Variants in SIPA1L2 observed in about 807,000 individuals in gnomAD.
SIPA1L2 encodes the protein signal induced proliferation associated 1 like 2.
In SIPA1L2, 56 loss-of-function variants were observed where a neutral mutation model predicts 163.9. The ratio of observed to expected loss-of-function variants is 0.34; its 90% CI spans 0.28 to 0.43. The LOEUF (loss-of-function observed/expected upper bound fraction) is 0.43. SIPA1L2 is among the 20% of genes least tolerant of loss of function. The probability of loss-of-function intolerance (pLI) is 1.00; values close to 1 mark genes in which losing one functional copy is unlikely to be tolerated. For missense variants in SIPA1L2, 1,974 were observed against 2,193.5 expected, an observed-to-expected ratio of 0.90 and a Z score of 2.00; for synonymous variants, 877 against 865.7, an observed-to-expected ratio of 1.01 and a Z score of -0.23.
chr1:232,603,125 C>T (rs750524027), intron 1 of SIPA1L2, among the ~76,000 whole-genome samples: 6 of 152,152 alleles, frequency 3.9e-5, no homozygotes, highest in Non-Finnish European at 7.3e-5. Flanking sequence ...CAACAAGCTT[C>T]GTCTAACTGG....
intron 12 of SIPA1L2, among the ~76,000 whole-genome samples, chr1:232,442,609 T>C (rs78358049): frequency 0.019 from 2,903 of 151,876 alleles, 40 homozygotes; most frequent in South Asian, 0.042. Flanking sequence ...AAGTAGACTT[T>C]GTTTTATGAA....
At chr1:232,494,250 T>C (rs760511560) in intron 3 of SIPA1L2, among the ~76,000 whole-genome samples, 5 of 152,254 alleles carry the variant, frequency 3.3e-5, no homozygotes, top group African/African-American at 4.8e-5. Flanking sequence ...TCAGTTAGTT[T>C]CTAAAGTCAA....
At chr1:232,501,215 A>G (rs2182429) in intron 3 of SIPA1L2, among the ~76,000 whole-genome samples, 139,787 of 151,838 alleles carry the variant, frequency 0.92, 64,522 homozygotes, top group African/African-American at 0.98. Flanking sequence ...CCACCACCAC[A>G]CCCGGCTAAT....
intron 5 of SIPA1L2, among the ~76,000 whole-genome samples, chr1:232,488,373 C>A (rs1665755569): frequency 6.6e-6 from 1 of 152,142 alleles, no homozygotes. Flanking sequence ...AGAAACAGCA[C>A]CGCTTGGAAT....
chr1:232,514,494 C>T lies in SIPA1L2; in HGVS notation c.846G>A (p.Leu282=), dbSNP rs1318207028. Residue 282 remains leucine, a synonymous_variant, in exon 3 of 23, where the codon TTG becomes TTA. Coordinates refer to ENST00000674635, the MANE Select transcript of SIPA1L2 (RefSeq NM_020808.5). ...GAGATGTTTCCACCGACTCTGATTT[C>T]AACCTCCGTTTGAAAGGCTTGTCCC... The part of the protein sequence containing the change: ...RDRDKPFKRR[L]KSESVETSLF... 6.2e-7 allele frequency: 1 copy of T among 1,614,230 alleles called. No homozygotes were observed. The highest frequency in any genetic ancestry group is 1.7e-5 in the Admixed American group (1 of 60,030).
rs201836404 is a variant in SIPA1L2, at chr1:232,461,069, G to A, written c.2913C>T (p.Val971=). 181 of 1,614,152 alleles carry A rather than the reference G, an allele frequency of 1.1e-4. No homozygotes were observed. Among genetic ancestry groups the A allele is most frequent in the Non-Finnish European group, 1.5e-4 (177 of 1,180,064 alleles). Residue 971 remains valine, a synonymous_variant, in exon 10 of 23, where the codon GTC becomes GTT. Coordinates refer to ENST00000674635, the MANE Select transcript of SIPA1L2 (RefSeq NM_020808.5). ...CAAAGCCAAAAGGTTCCACATCTGC[G>A]ACAATTCCTTCAAAATTCACATGGA... ...LGFHVNFEGI[V]ADVEPFGFAW... is the part of the protein sequence containing the mutation.
At chr1:232,561,717 T>C (rs1659046983) in intron 2 of SIPA1L2, among the ~76,000 whole-genome samples, 1 of 152,228 alleles carries the variant, frequency 6.6e-6, no homozygotes, top group Admixed American at 6.5e-5. Flanking sequence ...AGAGTGACTC[T>C]GGATAAGTTA....
chr1:232,406,140 G>A (rs1660621376), intron 19 of SIPA1L2, among the ~76,000 whole-genome samples: 1 of 152,210 alleles, frequency 6.6e-6, no homozygotes. Flanking sequence ...ACAGTTTCCA[G>A]TGGAAGCTTC....
chr1:232,443,640 G>A lies in SIPA1L2; in HGVS notation c.3399C>T (p.Gly1133=), dbSNP rs527314807. The A allele has an allele frequency of 1.0e-4, 162 of 1,609,050 alleles. No individual in the cohort carries two copies. The South Asian group carries it at 1.2e-3, about 12-fold the overall frequency. The part of the protein sequence containing the change: ...NQSSSSDPGP[G]GSGPWRPQVG... ...CTTGTGGTCTCCAGGGTCCGCTCCC[G>A]CCGGGTCCAGGGTCGCTGGAGGATG... The change falls in exon 12 of 23, where the codon GGC becomes GGT. Residue 1133 remains glycine (G), a synonymous_variant. Coordinates refer to ENST00000674635, the MANE Select transcript of SIPA1L2 (RefSeq NM_020808.5).
At chr1:232,450,001 G>C (rs1663475286) in intron 10 of SIPA1L2, among the ~76,000 whole-genome samples, 1 of 152,150 alleles carries the variant, frequency 6.6e-6, no homozygotes, top group African/African-American at 2.4e-5. Flanking sequence ...CTAACTTTTG[G>C]CTTGGGAAAC....
intron 2 of SIPA1L2, among the ~76,000 whole-genome samples, chr1:232,531,133 TTA>T (rs1029490286): frequency 1.3e-5 from 2 of 152,210 alleles, no homozygotes; most frequent in African/African-American, 4.8e-5. Context: ...TTTGATAAAC[TTA>T]TATGATAAGA....
intron 17 of SIPA1L2, among the ~76,000 whole-genome samples, chr1:232,426,645 G>A (rs1440027886): frequency 1.3e-5 from 2 of 152,062 alleles, no homozygotes; most frequent in Non-Finnish European, 2.9e-5. Context: ...GGGCAACAGA[G>A]CAAGACTCCG....
chr1:232,516,317 A>G lies in SIPA1L2; in HGVS notation c.-269-709T>C, dbSNP rs146156204. 2.0e-4 allele frequency among the ~76,000 whole-genome samples: 30 copies of G among 152,350 alleles called. No homozygotes were observed. In the East Asian group the frequency reaches 5.8e-3, roughly 29 times the overall value. On this transcript the variant is annotated intron_variant, in intron 2 of 22. Coordinates refer to ENST00000674635, the MANE Select transcript of SIPA1L2 (RefSeq NM_020808.5). ...TGCAGTAGTGAGATACTGGGTAAGA[A>G]GCTGTTTTCTTGTACCTCAGTTGTC...
At chr1:232,537,192 G>T (rs967754649) in intron 2 of SIPA1L2, among the ~76,000 whole-genome samples, 11 of 152,212 alleles carry the variant, frequency 7.2e-5, no homozygotes, top group African/African-American at 2.4e-4. Context: ...AACTGTGATT[G>T]TGCCACTGCA....
At chr1:232,628,093 C>T (rs1663176083) in intron 1 of SIPA1L2, among the ~76,000 whole-genome samples, 1 of 152,214 alleles carries the variant, frequency 6.6e-6, no homozygotes, top group Non-Finnish European at 1.5e-5. Flanking sequence ...TTTGGACAGG[C>T]TGCCGTGATC....
chr1:232,541,922 G>A (rs1657705523), intron 2 of SIPA1L2, among the ~76,000 whole-genome samples: 1 of 128,350 alleles, frequency 7.8e-6, no homozygotes, highest in East Asian at 2.2e-4. Flanking sequence ...TTAAATCTTG[G>A]GCTGAGCCTT....
At chr1:232,541,070 G>A (rs1657628290) in intron 2 of SIPA1L2, among the ~76,000 whole-genome samples, 1 of 152,050 alleles carries the variant, frequency 6.6e-6, no homozygotes, top group African/African-American at 2.4e-5. Context: ...ACAGGGAGAG[G>A]AACAACACAC....
At chr1:232,573,705 C>A (rs916259045) in intron 2 of SIPA1L2, among the ~76,000 whole-genome samples, 2 of 152,112 alleles carry the variant, frequency 1.3e-5, no homozygotes, top group African/African-American at 4.8e-5. Flanking sequence ...GCAGAGCAGG[C>A]TGGACTTGCC....
rs962616451 is a variant in SIPA1L2, at chr1:232,552,084, C to T, written c.-270+22090G>A. On this transcript the variant is annotated intron_variant, in intron 2 of 22. Transcript: ENST00000674635. Reference sequence around the variant, plus strand: ...CGAATTCCTGACCTCAGGCGATCCACCCACCTCGGCCTCCCAAAGTGCTGG... The same window carrying T: ...CGAATTCCTGACCTCAGGCGATCCATCCACCTCGGCCTCCCAAAGTGCTGG... Among the ~76,000 whole-genome samples the T allele has an allele frequency of 2.6e-5, 4 of 152,294 alleles. No homozygotes were observed. The East Asian group carries it at 5.8e-4, about 22-fold the overall frequency.
Sources: allele counts gnomAD v4.1 joint callset (sites outside exome capture counted in the v4.1 genomes callset), GRCh38; gene constraint gnomAD v4.1.1; transcripts MANE v1.5; gene names NCBI Gene and HGNC (gene_info 2026-07-23, HGNC 2026-07-21).